Variants in ARHGEF39 observed in about 807,000 individuals in gnomAD.
ARHGEF39 encodes Rho guanine nucleotide exchange factor (GEF) 39.
In ARHGEF39, 45 loss-of-function variants were observed where a neutral mutation model predicts 47.5. That is an observed-to-expected ratio of 0.95 (90% CI 0.75 to 1.22). The LOEUF is 1.22. Among genes scored for constraint, ARHGEF39 ranks in the 50% most tolerant of loss-of-function variants. ARHGEF39 has a pLI of 0.00. For missense variants in ARHGEF39, 411 were observed against 425.3 expected (o/e 0.97, Z 0.30); for synonymous variants, 164 against 167.8 (o/e 0.98, Z 0.17).
intron 4 of ARHGEF39, 74 bp downstream of exon 4, chr9:35,663,934 G>C (rs1824103898): frequency 2.1e-6 from 3 of 1,456,162 alleles, no homozygotes; most frequent in Non-Finnish European, 2.9e-6. Flanking sequence ...CGACCCCAAG[G>C]CATCCCACAA....
rs758264689 is a variant in ARHGEF39 at position 35,660,601 on chromosome 9, C to T, written c.*1386G>A. 1.9e-6 allele frequency: 3 copies of T among 1,614,214 alleles called. No individual in the cohort carries two copies. The highest frequency in any genetic ancestry group is 2.5e-6 in the Non-Finnish European group (3 of 1,180,030). ...GACACAACAGCTGGCCCAGACAGAG[C>T]AGCACCTGAACAACCTGATGGCCCA... On this transcript the variant is annotated 3_prime_UTR_variant, in exon 9 of 9. Coordinates refer to ENST00000378387, the MANE Select transcript of ARHGEF39 (RefSeq NM_032818.3).
At chr9:35,664,530 C>G (rs1824135124) in intron 2 of ARHGEF39, 38 bp from the exon 3 acceptor site, 2 of 1,559,252 alleles carry the variant, frequency 1.3e-6, no homozygotes, top group African/African-American at 2.7e-5. Flanking sequence ...AGCTCTAGAA[C>G]CACTCAAGCA....
At position 35,661,581 on chromosome 9, in the gene ARHGEF39, C is replaced by G. The variant is rs1338007231; in HGVS notation, c.*406G>C. The G allele has an allele frequency of 2.3e-6, 1 of 428,808 alleles. No individual in the cohort carries two copies. The highest frequency in any genetic ancestry group is 2.0e-5 in the African/African-American group (1 of 49,012). The allele number at this position is 428,808 out of a possible 1,614,324, so 26.6% of individuals were successfully genotyped here. A position where few individuals can be genotyped will look rare whatever the true frequency, so the allele number is the denominator to read the frequency against. ...GGACACAGCACAGAGCTTATCAGTC[C>G]CAAATCCCCTCATCTGTGTTAGGGG... is the stretch of plus-strand genomic sequence containing the variant. On this transcript the variant is annotated 3_prime_UTR_variant, in exon 9 of 9. Transcript: ENST00000378387.
intron 7 of ARHGEF39, 21 bp downstream of exon 7, chr9:35,662,491 G>C (rs1292082737): frequency 1.9e-6 from 3 of 1,600,436 alleles, no homozygotes; most frequent in Non-Finnish European, 2.6e-6. Flanking sequence ...TTTGGGTCTA[G>C]GGTTCCCACC....
chr9:35,661,382 G>A lies in ARHGEF39; in HGVS notation c.*605C>T, dbSNP rs10972554. On this transcript the variant is annotated 3_prime_UTR_variant, in exon 9 of 9. Transcript: ENST00000378387. Reference sequence around the variant, plus strand: ...TTCCTGAGGCCACCAGCATGCCCGCGTTCAGGGCCCAAAAATCCCTTTTCT... The same window carrying A: ...TTCCTGAGGCCACCAGCATGCCCGCATTCAGGGCCCAAAAATCCCTTTTCT... 0.31 allele frequency: 143,004 copies of A among 467,362 alleles called. 23,912 individuals carry two copies. Among genetic ancestry groups the A allele is most frequent in the East Asian group, 0.53 (16,156 of 30,474 alleles). The allele number at this position is 467,362 out of a possible 1,614,324, so 29.0% of individuals were successfully genotyped here.
At chr9:35,662,780 A>G in intron 6 of ARHGEF39, 39 bp from the exon 7 acceptor site, 5 of 1,536,726 alleles carry the variant, frequency 3.3e-6, no homozygotes, top group Non-Finnish European at 4.4e-6. Context: ...TGCAGCTTCA[A>G]GATACATGGG....
intron 8 of ARHGEF39, 27 bp from the exon 9 acceptor site, chr9:35,662,029 G>C: frequency 6.2e-7 from 1 of 1,613,782 alleles, no homozygotes; most frequent in South Asian, 1.1e-5. Flanking sequence ...GTCAGTTCAG[G>C]CACTGGTATG....
chr9:35,664,196 A>T lies in ARHGEF39; in HGVS notation c.355-70T>A, dbSNP rs1824119889. On this transcript the variant is annotated intron_variant, in intron 3 of 8. Coordinates refer to ENST00000378387, the MANE Select transcript of ARHGEF39 (RefSeq NM_032818.3). ...CCTTATATTGCATTCATCTGTATCC[A>T]CATTCCCAGCCTTCAGTAAGCTGTG... 23 of 1,547,278 alleles carry T rather than the reference A, an allele frequency of 1.5e-5. 1 individual carries two copies. Among genetic ancestry groups the T allele is most frequent in the Non-Finnish European group, 2.0e-5 (22 of 1,123,834 alleles).
At chr9:35,662,920 G>T in intron 6 of ARHGEF39, 26 bp downstream of exon 6, 2 of 1,604,462 alleles carry the variant, frequency 1.2e-6, no homozygotes, top group African/African-American at 1.3e-5. Context: ...GGCAGTTGAG[G>T]ATTGAAGGGG....
At chr9:35,663,952 G>C (rs1044421629) in intron 4 of ARHGEF39, 56 bp downstream of exon 4, 162 of 1,546,186 alleles carry the variant, frequency 1.0e-4, no homozygotes, top group Non-Finnish European at 1.4e-4. Flanking sequence ...CAAAGCTGAG[G>C]GCAGCAGTCA....
At position 35,663,129 on chromosome 9, in the gene ARHGEF39, G is replaced by A; in HGVS notation, c.545-55C>T. On this transcript the variant is annotated intron_variant, in intron 5 of 8. Coordinates refer to ENST00000378387, the MANE Select transcript of ARHGEF39 (RefSeq NM_032818.3). ...ATACAACTTTGACTTTGGGTGCCAT[G>A]GTTGTGAAAGAGGTTATTCTGGAAG... 2.5e-6 allele frequency: 4 copies of A among 1,606,670 alleles called. No individual in the cohort carries two copies. The South Asian group carries it at 4.4e-5, about 18-fold the overall frequency.
chr9:35,660,487 G>A lies in ARHGEF39; in HGVS notation c.*1500C>T, dbSNP rs1447583000. The A allele has an allele frequency of 6.2e-7, 1 of 1,613,364 alleles. No homozygotes were observed. Among genetic ancestry groups the A allele is most frequent in the South Asian group, 1.1e-5 (1 of 90,978 alleles). On this transcript the variant is annotated 3_prime_UTR_variant, in exon 9 of 9. Transcript: ENST00000378387. ...GTGGGTTTAGCAGAAGTCTGTGCTGGGTCGGGGGAGTTTAGGGGACAGCAG... is the reference window on the plus strand; with the variant it reads ...GTGGGTTTAGCAGAAGTCTGTGCTGAGTCGGGGGAGTTTAGGGGACAGCAG...
chr9:35,664,236 T>C, intron 3 of ARHGEF39, 110 bp from the exon 4 acceptor site: 1 of 1,490,022 alleles, frequency 6.7e-7, no homozygotes, highest in Non-Finnish European at 9.2e-7. Flanking sequence ...TGAGAGAAAC[T>C]CTCGTTTCTC....
chr9:35,659,594 T>C lies in ARHGEF39; in HGVS notation c.*2393A>G, dbSNP rs10441725. ...GGAGAATTGTATTCTCCTCAGGGCA[T>C]TGCTTTAAGAGCACTACGTGTTCAG... On this transcript the variant is annotated 3_prime_UTR_variant, in exon 9 of 9. Coordinates refer to ENST00000378387, the MANE Select transcript of ARHGEF39 (RefSeq NM_032818.3). 26,084 of 152,188 alleles carry C rather than the reference T, an allele frequency of 0.17. 2,801 individuals carry two copies. Among genetic ancestry groups the C allele is most frequent in the African/African-American group, 0.31 (12,741 of 41,478 alleles). 9.4% of individuals were successfully genotyped at this position (152,188 alleles called of 1,614,324 possible).
In ARHGEF39 at chr9:35,659,733, T is replaced by G. The variant is rs1223570079; in HGVS notation, c.*2254A>C. The G allele has an allele frequency of 6.6e-6, 1 of 152,198 alleles. No individual in the cohort carries two copies. The highest frequency in any genetic ancestry group is 1.9e-4 in the East Asian group (1 of 5,206). 9.4% of individuals were successfully genotyped at this position (152,198 alleles called of 1,614,324 possible). On this transcript the variant is annotated 3_prime_UTR_variant, in exon 9 of 9. Coordinates refer to ENST00000378387, the MANE Select transcript of ARHGEF39 (RefSeq NM_032818.3). ...GGTGTGACCATTGCCTTCAAATTCC[T>G]GAGGGGCTGTCACCTTGAGGAGACA...
At position 35,665,187 on chromosome 9, in the gene ARHGEF39, G is replaced by A. The variant is rs1474688604; in HGVS notation, c.-18C>T. 7 of 1,460,732 alleles carry A rather than the reference G, an allele frequency of 4.8e-6. No individual in the cohort carries two copies. The highest frequency in any genetic ancestry group is 2.7e-5 in the East Asian group (1 of 37,224). 90.5% of individuals were successfully genotyped at this position (1,460,732 alleles called of 1,614,324 possible). A position where few individuals can be genotyped will look rare whatever the true frequency, so the allele number is the denominator to read the frequency against. On this transcript the variant is annotated 5_prime_UTR_variant, in exon 1 of 9. Coordinates refer to ENST00000378387, the MANE Select transcript of ARHGEF39 (RefSeq NM_032818.3). Reference sequence around the variant, plus strand: ...AGCTCCATGCCCTGGCTGAGGGATCGACACTTCCGGCTGCAGTCCGCGGCA... The same window carrying A: ...AGCTCCATGCCCTGGCTGAGGGATCAACACTTCCGGCTGCAGTCCGCGGCA...
In ARHGEF39 at chr9:35,660,591, CCAGA is replaced by C. The variant is rs751677353; in HGVS notation, c.*1392_*1395del. On this transcript the variant is annotated 3_prime_UTR_variant, in exon 9 of 9. Transcript: ENST00000378387. The stretch of plus-strand genomic sequence containing the variant: ...TGGCCCAGTTGACACAACAGCTGGC[CCAGA>C]CAGAGCAGCACCTGAACAACCTGAT... 7 of 1,614,116 alleles carry C rather than the reference CCAGA, an allele frequency of 4.3e-6. No homozygotes were observed. The highest frequency in any genetic ancestry group is 5.1e-6 in the Non-Finnish European group (6 of 1,180,010).
At chr9:35,663,889 C>G in intron 4 of ARHGEF39, 119 bp downstream of exon 4, 1 of 1,059,190 alleles carries the variant, frequency 9.4e-7, no homozygotes, top group South Asian at 1.4e-5. Flanking sequence ...TTTTTAGAAG[C>G]AATTTGGCTC....
Position 35,661,439 on chromosome 9 carries a change from C to CA in ARHGEF39, c.*547dup, listed in dbSNP as rs1020693751. On this transcript the variant is annotated 3_prime_UTR_variant, in exon 9 of 9. Coordinates refer to ENST00000378387, the MANE Select transcript of ARHGEF39 (RefSeq NM_032818.3). ...AAAACTGAGACAGAAGGGTCTTTCC[C>CA]AAAAAAAAGAAAAAAAACTTTACTC... 4.0e-4 allele frequency: 176 copies of CA among 442,062 alleles called. No individual in the cohort carries two copies. Among genetic ancestry groups the CA allele is most frequent in the African/African-American group, 2.4e-3 (117 of 48,770 alleles). 27.4% of individuals were successfully genotyped at this position (442,062 alleles called of 1,614,324 possible).
Sources: allele counts gnomAD v4.1 joint callset, GRCh38; gene constraint gnomAD v4.1.1; transcripts MANE v1.5; gene names NCBI Gene and HGNC (gene_info 2026-07-23, HGNC 2026-07-21).